Variants in FSTL4 observed in about 807,000 individuals in gnomAD.
FSTL4 encodes the protein follistatin-related protein 4.
In FSTL4, 28 loss-of-function variants were observed where a neutral mutation model predicts 78.2. That is an observed-to-expected ratio of 0.36 (90% CI 0.27 to 0.49). The LOEUF is 0.49. Ranked by LOEUF, FSTL4 falls within the 20% of genes least tolerant of loss-of-function variation. FSTL4 has a pLI of 0.98. For missense variants in FSTL4, 922 were observed against 1,084.9 expected, an observed-to-expected ratio of 0.85 and a Z score of 2.11; for synonymous variants, 422 against 440.5, an observed-to-expected ratio of 0.96 and a Z score of 0.53.
In FSTL4 at chr5:133,278,352, G is replaced by A. The variant is rs74678038; in HGVS notation, c.728-28776C>T. On this transcript the variant is annotated intron_variant, in intron 6 of 15. Transcript: ENST00000265342. ...CTCCCCAGGCCCTCTGCCACACCTCGGCTGCAGTCTTGGCTTGTGTTCCCA... is the reference window on the plus strand; with the variant it reads ...CTCCCCAGGCCCTCTGCCACACCTCAGCTGCAGTCTTGGCTTGTGTTCCCA... Among the ~76,000 whole-genome samples the A allele has an allele frequency of 9.4e-3, 1,432 of 152,280 alleles. 3 individuals are homozygous for A. The highest frequency in any genetic ancestry group is 0.012 in the Admixed American group (179 of 15,308).
rs1019437772 is a variant in FSTL4, at chr5:133,611,882, C to T, written c.-11+443G>A. Among the ~76,000 whole-genome samples, 9 of 152,106 alleles carry T rather than the reference C, an allele frequency of 5.9e-5. No individual in the cohort carries two copies. Among genetic ancestry groups the T allele is most frequent in the Admixed American group, 3.9e-4 (6 of 15,286 alleles). On this transcript the variant is annotated intron_variant, in intron 1 of 15. Transcript: ENST00000265342. This position sits in a 1 kb window ranked among gnomAD's most constrained non-coding sequence, Gnocchi z 4.9. ...AACCCGGAGCCAAGGGCACCGGGCC[C>T]GGGCCGAGGGGCCGCGCTCGCCTGG...
At chr5:133,811,139 T>C in the FSTL4 span, among the ~76,000 whole-genome samples, 1 of 152,188 alleles carries the variant, frequency 6.6e-6, no homozygotes, top group African/African-American at 2.4e-5. Context: ...ATTTCCCTTA[T>C]GCACCCAAAC....
At chr5:133,726,410 C>G in the FSTL4 span, among the ~76,000 whole-genome samples, 68 of 152,324 alleles carry the variant, frequency 4.5e-4, no homozygotes, top group Admixed American at 1.4e-3. Context: ...TGGTGGGTCC[C>G]CATCTACAAG....
At chr5:133,396,869 C>T (rs1207203522) in intron 4 of FSTL4, among the ~76,000 whole-genome samples, 1 of 152,124 alleles carries the variant, frequency 6.6e-6, no homozygotes, top group African/African-American at 2.4e-5. Flanking sequence ...TAATTTGTTT[C>T]CAAAAATGGA....
chr5:133,266,020 ACCC>A (rs946578129), intron 6 of FSTL4, among the ~76,000 whole-genome samples: 6 of 152,204 alleles, frequency 3.9e-5, no homozygotes, highest in Non-Finnish European at 7.3e-5. Context: ...TGTTGTCCGC[ACCC>A]AGGCCCACAT....
At chr5:133,322,100 T>A (rs1352157806) in intron 4 of FSTL4, among the ~76,000 whole-genome samples, 6 of 152,108 alleles carry the variant, frequency 3.9e-5, no homozygotes, top group Admixed American at 3.3e-4. Context: ...GGAAGCCCCC[T>A]CCATAGCTGG....
At chr5:133,794,520 C>T in the FSTL4 span, among the ~76,000 whole-genome samples, 2 of 152,310 alleles carry the variant, frequency 1.3e-5, no homozygotes, top group Non-Finnish European at 1.5e-5. Flanking sequence ...TGTAAGTGAG[C>T]CCTTTCTTCC....
chr5:133,560,128 T>C (rs1224010913), intron 3 of FSTL4, among the ~76,000 whole-genome samples: 1 of 152,172 alleles, frequency 6.6e-6, no homozygotes, highest in Non-Finnish European at 1.5e-5. Context: ...ATGAGAGCTG[T>C]CCCAGGGCAA....
intron 2 of FSTL4, among the ~76,000 whole-genome samples, chr5:133,597,028 C>T (rs1022303216): frequency 3.3e-5 from 5 of 152,044 alleles, no homozygotes; most frequent in African/African-American, 9.7e-5. Context: ...TTCCTCCCCC[C>T]AACACCAATG....
chr5:133,385,058 C>T (rs373980850), intron 4 of FSTL4, among the ~76,000 whole-genome samples: 5 of 152,274 alleles, frequency 3.3e-5, no homozygotes, highest in African/African-American at 7.2e-5. Context: ...TCCGTTGTCG[C>T]GCTCCCCACC....
At chr5:133,757,096 T>G in the FSTL4 span, among the ~76,000 whole-genome samples, 3 of 152,218 alleles carry the variant, frequency 2.0e-5, no homozygotes, top group East Asian at 5.8e-4. Context: ...CCCCTCCCAT[T>G]TAGCAAAATC....
chr5:133,450,392 T>C (rs1402389621), intron 3 of FSTL4, among the ~76,000 whole-genome samples: 1 of 152,216 alleles, frequency 6.6e-6, no homozygotes, highest in Non-Finnish European at 1.5e-5. Flanking sequence ...TGTGCCCTAA[T>C]GGCTGGGGGA....
At chr5:133,723,011 G>T in the FSTL4 span, among the ~76,000 whole-genome samples, 62 of 152,336 alleles carry the variant, frequency 4.1e-4, no homozygotes, top group African/African-American at 1.4e-3. Flanking sequence ...TAAATGAGGT[G>T]ATTTCTCTTG....
the FSTL4 span, among the ~76,000 whole-genome samples, chr5:133,665,671 G>A: frequency 6.6e-6 from 1 of 152,198 alleles, no homozygotes; most frequent in African/African-American, 2.4e-5. Flanking sequence ...GAAGGAGGCT[G>A]CACATCCCAG....
intron 3 of FSTL4, among the ~76,000 whole-genome samples, chr5:133,553,806 C>T (rs1223509787): frequency 6.6e-6 from 1 of 152,182 alleles, no homozygotes; most frequent in Admixed American, 6.5e-5. Flanking sequence ...TTAGCCAGGA[C>T]CCCCATCACT....
chr5:133,266,483 C>T (rs1440362456), intron 6 of FSTL4: 3 of 152,294 alleles, frequency 2.0e-5, no homozygotes, highest in Non-Finnish European at 4.4e-5. Flanking sequence ...CGGCTCCTGC[C>T]TCTCCACCCT....
At chr5:133,679,554 G>A in the FSTL4 span, among the ~76,000 whole-genome samples, 1 of 152,130 alleles carries the variant, frequency 6.6e-6, no homozygotes, top group Admixed American at 6.5e-5. Context: ...CTTCGGGGAA[G>A]CCAAGAAGGG....
chr5:133,617,298 C>CA (rs145317097), upstream of FSTL4, among the ~76,000 whole-genome samples: 12,743 of 61,264 alleles, frequency 0.21, 1,618 homozygotes, highest in East Asian at 0.3. Context: ...GACTCCATCT[C>CA]AAAAAAAAAA....
At chr5:133,343,348 G>A (rs1411447612) in intron 4 of FSTL4, among the ~76,000 whole-genome samples, 2 of 152,174 alleles carry the variant, frequency 1.3e-5, no homozygotes, top group Non-Finnish European at 2.9e-5. Context: ...CACTCAGCAC[G>A]GGTGTGGAGA....
Sources: gnomAD v4.1 joint callset for allele counts (sites outside exome capture counted in the v4.1 genomes callset) on GRCh38, gnomAD v4.1.1 for gene constraint, Gnocchi (gnomAD v3.1) non-coding constraint, MANE v1.5 for transcripts, NCBI Gene and HGNC (gene_info 2026-07-23, HGNC 2026-07-21) for gene names.